The following NEXMIF variants were observed in gnomAD, a reference collection of about 807,000 sequenced individuals.
NEXMIF encodes neurite extension and migration factor.
NEXMIF carries 8 observed loss-of-function variants against 62.1 expected under a neutral mutation model. That is an observed-to-expected ratio of 0.13 (90% CI 0.08 to 0.23). The LOEUF (loss-of-function observed/expected upper bound fraction) is 0.23. NEXMIF is among the 10% of genes least tolerant of loss of function. NEXMIF has a pLI of 1.00. For synonymous variants in NEXMIF, 404 were observed against 416.6 expected (o/e 0.97, Z 0.37); for missense variants, 976 against 1,113.3 (o/e 0.88, Z 1.75).
chrX:74,801,536 C>T (rs1008935681), intron 1 of NEXMIF, among the ~76,000 whole-genome samples: 3 of 111,644 alleles, frequency 2.7e-5, no homozygotes, highest in Non-Finnish European at 5.6e-5. Context: ...CATTCATCAG[C>T]TGCTAACTGA....
chrX:74,756,616 C>A (rs1450481044), intron 1 of NEXMIF, among the ~76,000 whole-genome samples: 1 of 111,482 alleles, frequency 9.0e-6, no homozygotes, highest in Admixed American at 9.5e-5. Context: ...TGTTGCCATT[C>A]TAGTTAGAAT....
intron 1 of NEXMIF, among the ~76,000 whole-genome samples, chrX:74,917,489 C>T (rs1481872772): frequency 8.9e-6 from 1 of 112,075 alleles, no homozygotes; most frequent in East Asian, 2.8e-4. Context: ...ATCCCAACTG[C>T]AAGGCGCAGA....
intron 1 of NEXMIF, among the ~76,000 whole-genome samples, chrX:74,773,118 T>G (rs1440050042): frequency 2.7e-5 from 3 of 111,622 alleles, no homozygotes; most frequent in Admixed American, 9.6e-5. Flanking sequence ...TTTAAAGATA[T>G]GCTCTCAGAA....
At chrX:74,852,413 A>C (rs781562725) in intron 1 of NEXMIF, among the ~76,000 whole-genome samples, 202 of 112,124 alleles carry the variant, frequency 1.8e-3, no homozygotes, top group Middle Eastern at 4.6e-3. Flanking sequence ...CAGATCATCT[A>C]AACAGAAAAT....
intron 1 of NEXMIF, among the ~76,000 whole-genome samples, chrX:74,910,119 G>A (rs1029294729): frequency 8.9e-6 from 1 of 112,175 alleles, no homozygotes; most frequent in Non-Finnish European, 1.9e-5. Context: ...GCTGTGAGAA[G>A]AGGCCCACCA....
chrX:74,841,104 C>T (rs1467807474), intron 1 of NEXMIF, among the ~76,000 whole-genome samples: 1 of 111,620 alleles, frequency 9.0e-6, no homozygotes, highest in East Asian at 2.8e-4. Context: ...TGATTCTTCC[C>T]AGCTGAGCAT....
intron 1 of NEXMIF, among the ~76,000 whole-genome samples, chrX:74,911,413 A>T (rs1439356568): frequency 9.0e-6 from 1 of 111,699 alleles, no homozygotes; most frequent in Non-Finnish European, 1.9e-5. Flanking sequence ...TCAAAGAAAA[A>T]AAAGTAAGTG....
intron 1 of NEXMIF, among the ~76,000 whole-genome samples, chrX:74,924,375 G>T (rs2080836567): frequency 8.9e-6 from 1 of 112,961 alleles, no homozygotes; most frequent in Non-Finnish European, 1.9e-5. Context: ...GCCGAGTGGC[G>T]CGTGTCCTGG....
chrX:74,905,616 C>T (rs183423939), intron 1 of NEXMIF, among the ~76,000 whole-genome samples: 73 of 111,573 alleles, frequency 6.5e-4, no homozygotes, highest in African/African-American at 2.3e-3. Flanking sequence ...TCGAGACCAG[C>T]CTGGCCAACA....
intron 1 of NEXMIF, among the ~76,000 whole-genome samples, chrX:74,860,637 T>C (rs1183828507): frequency 9.0e-6 from 1 of 111,600 alleles, no homozygotes; most frequent in Non-Finnish European, 1.9e-5. Context: ...TTAAACAACA[T>C]GCTCCTGAAT....
chrX:74,802,932 T>A (rs1457634540), intron 1 of NEXMIF, among the ~76,000 whole-genome samples: 2 of 110,124 alleles, frequency 1.8e-5, no homozygotes, highest in Non-Finnish European at 1.9e-5. Flanking sequence ...GAAGAAGGCA[T>A]CAGACTCTTT....
At chrX:74,920,953 T>A (rs1471165938) in intron 1 of NEXMIF, among the ~76,000 whole-genome samples, 2 of 111,399 alleles carry the variant, frequency 1.8e-5, no homozygotes, top group African/African-American at 6.5e-5. Context: ...AAGCTGAAAA[T>A]TTTTTTAATG....
At chrX:74,779,491 T>C (rs1405498284) in intron 1 of NEXMIF, among the ~76,000 whole-genome samples, 1 of 111,890 alleles carries the variant, frequency 8.9e-6, no homozygotes, top group Non-Finnish European at 1.9e-5. Context: ...TCAAGTCTCC[T>C]TTGCCAGGCC....
intron 1 of NEXMIF, among the ~76,000 whole-genome samples, chrX:74,861,753 T>A (rs779441639): frequency 1.8e-5 from 2 of 111,605 alleles, no homozygotes; most frequent in South Asian, 7.6e-4. Flanking sequence ...CTAAGCTTCA[T>A]AAGTGAAGAA....
intron 1 of NEXMIF, among the ~76,000 whole-genome samples, chrX:74,838,393 T>C (rs897861306): frequency 8.9e-6 from 1 of 112,264 alleles, no homozygotes; most frequent in Non-Finnish European, 1.9e-5. Flanking sequence ...AGAAAATTAG[T>C]TTGAAGCAAC....
chrX:74,837,503 C>T (rs1275817374), intron 1 of NEXMIF, among the ~76,000 whole-genome samples: 4 of 112,217 alleles, frequency 3.6e-5, no homozygotes, highest in Non-Finnish European at 5.6e-5. Flanking sequence ...AAGACCGTAT[C>T]ATTATAATTT....
intron 1 of NEXMIF, among the ~76,000 whole-genome samples, chrX:74,898,666 TTAAAA>T (rs2080739906): frequency 8.9e-6 from 1 of 111,789 alleles, no homozygotes; most frequent in Admixed American, 9.6e-5. Context: ...TTTATTATCA[TTAAAA>T]TAATTCTGTA....
At chrX:74,773,908 CAAAAAAAA>C (rs61514458) in intron 1 of NEXMIF, among the ~76,000 whole-genome samples, 6 of 38,084 alleles carry the variant, frequency 1.6e-4, no homozygotes, top group African/African-American at 2.2e-4. Flanking sequence ...GACTCCGTCT[CAAAAAAAA>C]AAAAAAAAAA....
chrX:74,753,715 G>GCACA lies in NEXMIF; in HGVS notation c.-47-8022_-47-8019dup, dbSNP rs199783383. 2.6e-3 allele frequency among the ~76,000 whole-genome samples: 262 copies of GCACA among 100,183 alleles called. 3 individuals carry two copies. Among genetic ancestry groups the GCACA allele is most frequent in the East Asian group, 8.6e-3 (26 of 3,016 alleles). 87.0% of individuals were successfully genotyped at this position (100,183 alleles called of 115,157 possible). A position where few individuals can be genotyped will look rare whatever the true frequency, so the allele number is the denominator to read the frequency against. ...ACATTTCCTCCTTACACACACACAC[G>GCACA]CACACACACACACACACACACACAG... On this transcript the variant is annotated intron_variant, in intron 1 of 3. Transcript: ENST00000055682.
Sources: gnomAD v4.1 joint callset for allele counts (sites outside exome capture counted in the v4.1 genomes callset) on GRCh38, gnomAD v4.1.1 for gene constraint, MANE v1.5 for transcripts, NCBI Gene and HGNC (gene_info 2026-07-23, HGNC 2026-07-21) for gene names.